MYRIP: variants seen among roughly 807,000 people sequenced by gnomAD.
The protein encoded by MYRIP is myosin VIIA and Rab interacting protein.
A neutral mutation model predicts 98.0 loss-of-function variants in MYRIP; 49 were observed. The observed-to-expected ratio is 0.50, with a 90% CI of 0.40 to 0.63. The LOEUF (loss-of-function observed/expected upper bound fraction) is 0.63. Among genes scored for constraint, MYRIP ranks in the 30% least tolerant of loss-of-function variants. The pLI is 0.00. For missense variants in MYRIP, 1,004 were observed against 1,058.2 expected (o/e 0.95, Z 0.71); for synonymous variants, 404 against 409.5 (o/e 0.99, Z 0.16).
intron 1 of MYRIP, among the ~76,000 whole-genome samples, chr3:39,863,545 T>C (rs1207762895): frequency 6.6e-6 from 1 of 151,992 alleles, no homozygotes; most frequent in Non-Finnish European, 1.5e-5. Flanking sequence ...CTTCTATGTA[T>C]ACTATTTAGA....
chr3:39,903,177 A>G (rs1559516263), intron 2 of MYRIP, among the ~76,000 whole-genome samples: 1 of 152,210 alleles, frequency 6.6e-6, no homozygotes, highest in East Asian at 1.9e-4. Context: ...CTGTCGAATA[A>G]AAAGATTATG....
At chr3:40,052,635 A>G (rs1270792243) in intron 3 of MYRIP, among the ~76,000 whole-genome samples, 1 of 152,162 alleles carries the variant, frequency 6.6e-6, no homozygotes, top group Non-Finnish European at 1.5e-5. Context: ...TAGCATATCC[A>G]AGCACTCTTT....
At chr3:40,163,906 C>G (rs1359208789) in intron 5 of MYRIP, among the ~76,000 whole-genome samples, 4 of 152,070 alleles carry the variant, frequency 2.6e-5, no homozygotes, top group African/African-American at 9.7e-5. Flanking sequence ...CTGTATTATC[C>G]TTACTACCTG....
intron 2 of MYRIP, among the ~76,000 whole-genome samples, chr3:40,031,669 A>G (rs2125818836): frequency 6.6e-6 from 1 of 152,298 alleles, no homozygotes; most frequent in African/African-American, 2.4e-5. Context: ...CCCATAAGAA[A>G]TCAAAACCTC....
At chr3:39,975,242 A>C (rs998333335) in intron 2 of MYRIP, among the ~76,000 whole-genome samples, 4 of 152,176 alleles carry the variant, frequency 2.6e-5, no homozygotes, top group African/African-American at 7.2e-5. Flanking sequence ...AAGCATTCTT[A>C]TACACCAATA....
chr3:39,997,031 G>A (rs987348092), intron 2 of MYRIP, among the ~76,000 whole-genome samples: 1 of 152,146 alleles, frequency 6.6e-6, no homozygotes, highest in Non-Finnish European at 1.5e-5. Flanking sequence ...CACATTCAAA[G>A]CAGTGTGTAG....
chr3:40,247,958 T>G (rs1211130180), intron 13 of MYRIP, among the ~76,000 whole-genome samples: 1 of 152,234 alleles, frequency 6.6e-6, no homozygotes, highest in African/African-American at 2.4e-5. Context: ...TTCAGCTTTG[T>G]GGATTATCTC....
chr3:40,033,033 A>G (rs1158367130), intron 2 of MYRIP, among the ~76,000 whole-genome samples: 1 of 151,646 alleles, frequency 6.6e-6, no homozygotes, highest in African/African-American at 2.4e-5. Flanking sequence ...TTCATGCTGA[A>G]AACTCTCAAT....
intron 1 of MYRIP, among the ~76,000 whole-genome samples, chr3:39,877,245 A>T (rs886471810): frequency 3.3e-5 from 5 of 152,062 alleles, no homozygotes; most frequent in Non-Finnish European, 5.9e-5. Flanking sequence ...ACATTCTTCT[A>T]AATTTTTTTC....
At chr3:39,912,006 G>C (rs1394255944) in intron 2 of MYRIP, among the ~76,000 whole-genome samples, 1 of 152,040 alleles carries the variant, frequency 6.6e-6, no homozygotes, top group African/African-American at 2.4e-5. Flanking sequence ...CTCCCAGATG[G>C]GGAGATTCCT....
intron 3 of MYRIP, among the ~76,000 whole-genome samples, chr3:40,080,834 G>A (rs1238772911): frequency 1.1e-5 from 1 of 92,900 alleles, no homozygotes; most frequent in Admixed American, 1.1e-4. Context: ...TACTTTCTTT[G>A]GGCTTTTTCT....
intron 3 of MYRIP, among the ~76,000 whole-genome samples, chr3:40,114,424 TTGTAA>T (rs1226628022): frequency 1.3e-5 from 2 of 152,220 alleles, no homozygotes; most frequent in African/African-American, 4.8e-5. Context: ...AATACATTTC[TTGTAA>T]TGTATCTTCA....
At chr3:40,019,861 G>A (rs1204124636) in intron 2 of MYRIP, among the ~76,000 whole-genome samples, 3 of 151,918 alleles carry the variant, frequency 2.0e-5, no homozygotes, top group Non-Finnish European at 4.4e-5. Context: ...AAAACTTTTT[G>A]GGCATTCAAA....
chr3:39,828,960 A>G (rs1252000961), intron 1 of MYRIP, among the ~76,000 whole-genome samples: 1 of 152,152 alleles, frequency 6.6e-6, no homozygotes, highest in African/African-American at 2.4e-5. Flanking sequence ...ATCTTTTTCA[A>G]ATAAAGACTT....
chr3:39,817,934 AT>A (rs1216105412), intron 1 of MYRIP, among the ~76,000 whole-genome samples: 1 of 152,216 alleles, frequency 6.6e-6, no homozygotes, highest in Non-Finnish European at 1.5e-5. Flanking sequence ...GGTAACAAGT[AT>A]CCTTGAATAA....
rs116493378 is a variant in MYRIP, at chr3:39,927,678, C to T, written c.110+26752C>T. Among the ~76,000 whole-genome samples, 598 of 152,084 alleles carry T rather than the reference C, an allele frequency of 3.9e-3. 3 individuals carry two copies. Among genetic ancestry groups the T allele is most frequent in the African/African-American group, 0.014 (574 of 41,510 alleles). On this transcript the variant is annotated intron_variant, in intron 2 of 16. Coordinates refer to ENST00000302541, the MANE Select transcript of MYRIP (RefSeq NM_015460.4). ...AAAACCAAGGAGAAGGAACTTCTCC[C>T]TAACTCATTCTGCAAAGTCAGCATC...
Position 40,014,019 on chromosome 3 carries a change from C to T in MYRIP, c.111-30031C>T, listed in dbSNP as rs78698765. ...GCATTAAATTTATTCATAAGCATAACTCCATTTTCATAAGGAGGAGGAAAC... is the reference window on the plus strand; with the variant it reads ...GCATTAAATTTATTCATAAGCATAATTCCATTTTCATAAGGAGGAGGAAAC... On this transcript the variant is annotated intron_variant, in intron 2 of 16. Coordinates refer to ENST00000302541, the MANE Select transcript of MYRIP (RefSeq NM_015460.4). Among the ~76,000 whole-genome samples, 207 of 152,304 alleles carry T rather than the reference C, an allele frequency of 1.4e-3. No individual in the cohort carries two copies. The East Asian group carries it at 0.037, about 27-fold the overall frequency.
At chr3:40,130,531 T>C (rs1303755778) in intron 3 of MYRIP, among the ~76,000 whole-genome samples, 2 of 151,556 alleles carry the variant, frequency 1.3e-5, no homozygotes, top group Non-Finnish European at 1.5e-5. Context: ...GCGCCCACCA[T>C]CACGCCCGGC....
intron 1 of MYRIP, among the ~76,000 whole-genome samples, chr3:39,855,153 A>T (rs1304500967): frequency 6.6e-6 from 1 of 152,238 alleles, no homozygotes; most frequent in Admixed American, 6.5e-5. Flanking sequence ...ACATGGACAC[A>T]TTCAAAATTT....
Sources: allele counts gnomAD v4.1 joint callset (sites outside exome capture counted in the v4.1 genomes callset), GRCh38; gene constraint gnomAD v4.1.1; transcripts MANE v1.5; gene names NCBI Gene and HGNC (gene_info 2026-07-23, HGNC 2026-07-21).